YAP1: variants seen among roughly 807,000 people sequenced by gnomAD.
The protein encoded by YAP1 is Yes1 associated transcriptional regulator.
Under a neutral mutation model 56.9 loss-of-function variants are expected in YAP1, and 5 were observed. That is an observed-to-expected ratio of 0.09 (90% CI 0.05 to 0.18). The LOEUF (loss-of-function observed/expected upper bound fraction) is 0.18. Among genes scored for constraint, YAP1 ranks in the 10% least tolerant of loss-of-function variants. The pLI is 1.00. For synonymous variants in YAP1, 265 were observed against 248.1 expected, an observed-to-expected ratio of 1.07 and a Z score of -0.64; for missense variants, 539 against 651.8, an observed-to-expected ratio of 0.83 and a Z score of 1.88.
chr11:102,187,666 G>A (rs1340816944), intron 4 of YAP1, among the ~76,000 whole-genome samples: 2 of 152,124 alleles, frequency 1.3e-5, no homozygotes, highest in Non-Finnish European at 2.9e-5. Flanking sequence ...AGATCAGGAA[G>A]AACAAAGCTT....
In YAP1 at chr11:102,233,191, T is replaced by C. The variant is rs1180140831; in HGVS notation, c.*3251T>C. On this transcript the variant is annotated 3_prime_UTR_variant, in exon 9 of 9. Coordinates refer to ENST00000282441, the MANE Select transcript of YAP1 (RefSeq NM_001130145.3). ...TGTGCCTATCATAACAATTGTTTTC[T>C]GTATCTTGAAAAAGTATTCTCCACA... is the stretch of plus-strand genomic sequence containing the variant. 6.6e-6 allele frequency: 1 copy of C among 152,246 alleles called. No individual in the cohort carries two copies. Among genetic ancestry groups the C allele is most frequent in the Non-Finnish European group, 1.5e-5 (1 of 68,042 alleles). 9.4% of individuals were successfully genotyped at this position (152,246 alleles called of 1,614,324 possible).
chr11:102,122,011 T>C (rs1055903858), intron 2 of YAP1, among the ~76,000 whole-genome samples: 2 of 151,968 alleles, frequency 1.3e-5, no homozygotes, highest in Non-Finnish European at 2.9e-5. Flanking sequence ...TTGCCCAGGC[T>C]GGTCTCAAAC....
At chr11:102,222,980 C>T (rs564120198) in intron 6 of YAP1, among the ~76,000 whole-genome samples, 4 of 151,890 alleles carry the variant, frequency 2.6e-5, no homozygotes, top group African/African-American at 9.7e-5. Context: ...CGCGGTGGCT[C>T]ACGTCTGTAA....
intron 3 of YAP1, among the ~76,000 whole-genome samples, chr11:102,175,436 A>G (rs1947187761): frequency 6.6e-6 from 1 of 152,208 alleles, no homozygotes; most frequent in Non-Finnish European, 1.5e-5. Context: ...AACTTGATGT[A>G]TAGACTGCCT....
intron 2 of YAP1, among the ~76,000 whole-genome samples, chr11:102,129,140 T>G (rs980754763): frequency 6.6e-6 from 1 of 152,226 alleles, no homozygotes; most frequent in Non-Finnish European, 1.5e-5. Flanking sequence ...CTGAGTTTTA[T>G]CTCAGTTTCT....
intron 3 of YAP1, among the ~76,000 whole-genome samples, chr11:102,176,150 A>G (rs1302790629): frequency 6.6e-6 from 1 of 152,218 alleles, no homozygotes; most frequent in Non-Finnish European, 1.5e-5. Flanking sequence ...ATCACAAACT[A>G]CTAACAAGGC....
chr11:102,141,505 G>A (rs762340100), intron 2 of YAP1, among the ~76,000 whole-genome samples: 12 of 152,280 alleles, frequency 7.9e-5, no homozygotes, highest in Non-Finnish European at 1.2e-4. Flanking sequence ...AATGTGGTAA[G>A]CCCTAAGTAA....
intron 5 of YAP1, among the ~76,000 whole-genome samples, chr11:102,209,054 C>T (rs1262206155): frequency 1.3e-5 from 2 of 152,070 alleles, no homozygotes; most frequent in African/African-American, 2.4e-5. Context: ...GTCGTCTTTT[C>T]TTATGTTGAA....
chr11:102,188,047 G>A (rs765875722), intron 4 of YAP1, among the ~76,000 whole-genome samples: 5 of 152,224 alleles, frequency 3.3e-5, no homozygotes, highest in Admixed American at 6.5e-5. Context: ...AAAAAAACGT[G>A]TGGGTTTCTC....
intron 3 of YAP1, among the ~76,000 whole-genome samples, chr11:102,165,743 C>T (rs1472619123): frequency 6.6e-6 from 1 of 152,148 alleles, no homozygotes; most frequent in Non-Finnish European, 1.5e-5. Flanking sequence ...ATCCCATGTT[C>T]TTCACTGTAT....
chr11:102,134,733 G>C (rs1944572330), intron 2 of YAP1, among the ~76,000 whole-genome samples: 1 of 152,042 alleles, frequency 6.6e-6, no homozygotes, highest in East Asian at 1.9e-4. Flanking sequence ...TTGAGAGATA[G>C]GGTCTCACTC....
chr11:102,163,658 A>AT (rs1946428570), intron 3 of YAP1, among the ~76,000 whole-genome samples: 1 of 152,218 alleles, frequency 6.6e-6, no homozygotes, highest in Non-Finnish European at 1.5e-5. Flanking sequence ...TAACAAGCAT[A>AT]TTTAGTAGCT....
At chr11:102,227,271 A>C (rs1950238664) in intron 7 of YAP1, among the ~76,000 whole-genome samples, 198 bp from the exon 8 acceptor site, 1 of 152,224 alleles carries the variant, frequency 6.6e-6, no homozygotes, top group Non-Finnish European at 1.5e-5. Context: ...TTCAATTAGG[A>C]TTAACTTGTC....
chr11:102,200,619 AT>A (rs1168193556), intron 4 of YAP1, among the ~76,000 whole-genome samples: 2 of 151,540 alleles, frequency 1.3e-5, no homozygotes, highest in African/African-American at 4.9e-5. Context: ...TAATTTTTAT[AT>A]TTTTAGTAGA....
chr11:102,125,450 C>T (rs1162811805), intron 2 of YAP1, among the ~76,000 whole-genome samples: 1 of 149,996 alleles, frequency 6.7e-6, no homozygotes, highest in Non-Finnish European at 1.5e-5. Context: ...AATTTTGGCT[C>T]ACTGCAGCCT....
chr11:102,203,928 A>T (rs570500705), intron 4 of YAP1, among the ~76,000 whole-genome samples: 2 of 152,320 alleles, frequency 1.3e-5, no homozygotes, highest in South Asian at 2.1e-4. Context: ...GAAAAGCTGG[A>T]GGGAAAAAGA....
chr11:102,183,872 C>G (rs1023327264), intron 3 of YAP1, among the ~76,000 whole-genome samples: 8 of 151,764 alleles, frequency 5.3e-5, no homozygotes, highest in East Asian at 1.9e-4. Flanking sequence ...GTCAGGAGAT[C>G]GAGACCATCC....
In YAP1 at chr11:102,232,308, C is replaced by A. The variant is rs1290595159; in HGVS notation, c.*2368C>A. The A allele has an allele frequency of 1.3e-5, 2 of 150,712 alleles. No homozygotes were observed. The highest frequency in any genetic ancestry group is 3.0e-5 in the Non-Finnish European group (2 of 67,762). The allele number at this position is 150,712 out of a possible 1,614,324, so 9.3% of individuals were successfully genotyped here. ...GGGGGGTTGTGAAGATTTAGGGGGA[C>A]CTTGATAGAGAACTTTATAAACTTC... On this transcript the variant is annotated 3_prime_UTR_variant, in exon 9 of 9. Transcript: ENST00000282441.
At chr11:102,173,473 A>T (rs1270716135) in intron 3 of YAP1, among the ~76,000 whole-genome samples, 1 of 152,212 alleles carries the variant, frequency 6.6e-6, no homozygotes, top group Non-Finnish European at 1.5e-5. Flanking sequence ...GGTATAGTAT[A>T]CATGAATTTT....
Sources: allele counts gnomAD v4.1 joint callset (sites outside exome capture counted in the v4.1 genomes callset), GRCh38; gene constraint gnomAD v4.1.1; transcripts MANE v1.5; gene names NCBI Gene and HGNC (gene_info 2026-07-23, HGNC 2026-07-21).